The following RBFOX1 variants were observed in gnomAD, a reference collection of about 807,000 sequenced individuals.
RBFOX1 encodes the protein RNA binding protein fox-1 homolog 1.
In RBFOX1, 8 loss-of-function variants were observed where a neutral mutation model predicts 57.7. That is an observed-to-expected ratio of 0.14 (90% CI 0.08 to 0.25). The LOEUF is 0.25. Among genes scored for constraint, RBFOX1 ranks in the 10% least tolerant of loss-of-function variants. The pLI is 1.00. For missense variants in RBFOX1, 611 were observed against 548.5 expected, an observed-to-expected ratio of 1.11 and a Z score of -1.14; for synonymous variants, 326 against 222.4, an observed-to-expected ratio of 1.47 and a Z score of -4.15.
chr16:6,678,054 T>C (rs2058038931), intron 3 of RBFOX1, among the ~76,000 whole-genome samples: 1 of 152,232 alleles, frequency 6.6e-6, no homozygotes. Context: ...TTAATTTTCC[T>C]CATATAATCT....
chr16:7,064,554 A>G (rs2055458196), intron 4 of RBFOX1, among the ~76,000 whole-genome samples: 1 of 152,116 alleles, frequency 6.6e-6, no homozygotes, highest in African/African-American at 2.4e-5. Flanking sequence ...ATGATCACCT[A>G]CCAGTCAAAG....
At chr16:6,769,070 G>T (rs1487782353) in intron 3 of RBFOX1, among the ~76,000 whole-genome samples, 2 of 152,120 alleles carry the variant, frequency 1.3e-5, no homozygotes, top group Admixed American at 6.6e-5. Context: ...TTGTTTGGCT[G>T]TGTCCCCACC....
At chr16:6,481,662 G>C (rs746808303) in intron 2 of RBFOX1, among the ~76,000 whole-genome samples, 19 of 152,294 alleles carry the variant, frequency 1.2e-4, no homozygotes, top group East Asian at 7.7e-4. Flanking sequence ...ACCTGGTGCT[G>C]TTGGAAAATG....
chr16:5,911,684 C>T (rs920565681), intron 4 of RBFOX1, among the ~76,000 whole-genome samples: 10 of 152,200 alleles, frequency 6.6e-5, no homozygotes, highest in African/African-American at 2.4e-4. Context: ...TTTTTCACAG[C>T]TCTGGAGTCT....
intron 3 of RBFOX1, among the ~76,000 whole-genome samples, chr16:5,831,420 G>A (rs535140644): frequency 6.6e-6 from 1 of 152,118 alleles, no homozygotes; most frequent in South Asian, 2.1e-4. Context: ...CAGAAGCTAA[G>A]CAGATGTTTG....
chr16:6,875,861 G>A (rs972160684), intron 3 of RBFOX1, among the ~76,000 whole-genome samples: 3 of 152,090 alleles, frequency 2.0e-5, no homozygotes, highest in African/African-American at 7.2e-5. Flanking sequence ...AGCCAGTCAT[G>A]GTGGTCCATG....
At chr16:6,107,468 A>T (rs546392248) in intron 1 of RBFOX1, among the ~76,000 whole-genome samples, 5 of 152,288 alleles carry the variant, frequency 3.3e-5, no homozygotes, top group Non-Finnish European at 7.3e-5. Context: ...GAGATGTCGG[A>T]TGATAAATTT....
intron 3 of RBFOX1, among the ~76,000 whole-genome samples, chr16:5,679,481 G>A (rs1317276942): frequency 1.3e-5 from 2 of 151,960 alleles, no homozygotes; most frequent in Non-Finnish European, 2.9e-5. Context: ...TTAGGTATTT[G>A]TCCTGAGGCT....
At position 7,133,980 on chromosome 16, in the gene RBFOX1, C is replaced by T. The variant is rs533246766; in HGVS notation, c.27+81882C>T. ...GTCAGGTTGATAACATTAGGCTCTG[C>T]GGCATTCAATTCTAAGCCTTGCAAT... is the stretch of plus-strand genomic sequence containing the variant. On this transcript the variant is annotated intron_variant, in intron 4 of 15. Transcript: ENST00000550418. 1.4e-4 allele frequency among the ~76,000 whole-genome samples: 21 copies of T among 152,252 alleles called. 1 individual carries two copies. The South Asian group carries it at 1.9e-3, about 14-fold the overall frequency.
intron 2 of RBFOX1, among the ~76,000 whole-genome samples, chr16:6,509,226 T>A (rs778481325): frequency 2.0e-5 from 3 of 152,168 alleles, no homozygotes; most frequent in Non-Finnish European, 4.4e-5. Context: ...GCCAACAGAT[T>A]TAAAATGGAG....
intron 3 of RBFOX1, among the ~76,000 whole-genome samples, chr16:5,691,606 G>T (rs2050682309): frequency 1.3e-5 from 2 of 152,128 alleles, no homozygotes; most frequent in Admixed American, 1.3e-4. Flanking sequence ...ATACTTATCA[G>T]TTGAGCATCT....
chr16:6,514,032 C>T (rs1464024426), intron 2 of RBFOX1, among the ~76,000 whole-genome samples: 1 of 152,186 alleles, frequency 6.6e-6, no homozygotes, highest in Non-Finnish European at 1.5e-5. Flanking sequence ...AGAGAATCAA[C>T]ACCTCAAGGC....
chr16:5,693,372 A>AAG (rs762605529), intron 3 of RBFOX1, among the ~76,000 whole-genome samples: 12 of 151,808 alleles, frequency 7.9e-5, no homozygotes, highest in Non-Finnish European at 1.5e-4. Flanking sequence ...CAGATCAAAA[A>AAG]AAAAACAAAA....
chr16:7,148,561 C>G (rs1031124776), intron 4 of RBFOX1, among the ~76,000 whole-genome samples: 1 of 152,198 alleles, frequency 6.6e-6, no homozygotes, highest in African/African-American at 2.4e-5. Context: ...GACAACATAG[C>G]TGTTTGATCG....
chr16:5,935,183 TG>T (rs1275097771), intron 4 of RBFOX1, among the ~76,000 whole-genome samples: 1 of 152,206 alleles, frequency 6.6e-6, no homozygotes, highest in African/African-American at 2.4e-5. Context: ...CCCACTACCC[TG>T]ACCAATCCCC....
chr16:7,503,257 A>T (rs918502812), intron 4 of RBFOX1, among the ~76,000 whole-genome samples: 1 of 152,194 alleles, frequency 6.6e-6, no homozygotes. Context: ...GGGATACCGT[A>T]GTCAGCAACG....
chr16:6,041,664 G>A (rs903054081), intron 1 of RBFOX1, among the ~76,000 whole-genome samples: 17 of 152,052 alleles, frequency 1.1e-4, no homozygotes, highest in African/African-American at 4.1e-4. Flanking sequence ...ATTATATCAC[G>A]CTGTTCCCTT....
chr16:6,997,116 C>T (rs1007371668), intron 3 of RBFOX1, among the ~76,000 whole-genome samples: 1 of 151,870 alleles, frequency 6.6e-6, no homozygotes, highest in African/African-American at 2.4e-5. Flanking sequence ...TGTGTTTTGC[C>T]CCCAAACTTA....
chr16:6,589,734 C>A (rs571541766), intron 2 of RBFOX1, among the ~76,000 whole-genome samples: 1 of 152,288 alleles, frequency 6.6e-6, no homozygotes, highest in African/African-American at 2.4e-5. Flanking sequence ...GGGGAAAGGG[C>A]TGTTCTCATC....
Sources: gnomAD v4.1 joint callset for allele counts (sites outside exome capture counted in the v4.1 genomes callset) on GRCh38, gnomAD v4.1.1 for gene constraint, MANE v1.5 for transcripts, NCBI Gene and HGNC (gene_info 2026-07-23, HGNC 2026-07-21) for gene names.